The following SEC63 variants were observed in gnomAD, a reference collection of about 807,000 sequenced individuals.
SEC63 encodes the protein translocation protein SEC63 homolog.
In SEC63, 56 loss-of-function variants were observed where a neutral mutation model predicts 116.2. That is an observed-to-expected ratio of 0.48 (90% CI 0.39 to 0.60). The LOEUF (loss-of-function observed/expected upper bound fraction) is 0.60. SEC63 is among the 20% of genes least tolerant of loss of function. SEC63 has a pLI of 0.00. For missense variants in SEC63, 668 were observed against 900.0 expected (o/e 0.74, Z 3.30); for synonymous variants, 273 against 294.6 (o/e 0.93, Z 0.75).
chr6:107,912,628 A>G lies in SEC63; in HGVS notation c.573+88T>C, dbSNP rs1278855445. On this transcript the variant is annotated intron_variant, in intron 6 of 20. Transcript: ENST00000369002. ...ATGGCACACCAGTATTTTCTTTGTA[A>G]TAGTTCTTCTTGTATTACCAAGACA... The G allele has an allele frequency of 3.8e-6, 3 of 782,790 alleles. No individual in the cohort carries two copies. The African/African-American group carries it at 5.2e-5, about 14-fold the overall frequency. The allele number at this position is 782,790 out of a possible 1,614,324, so 48.5% of individuals were successfully genotyped here.
At chr6:107,952,731 C>G (rs1293815917) in intron 1 of SEC63, among the ~76,000 whole-genome samples, 4 of 152,110 alleles carry the variant, frequency 2.6e-5, no homozygotes, top group Admixed American at 2.0e-4. Context: ...GCACTGGAGC[C>G]TGGGCAACAG....
chr6:107,925,835 A>G (rs547963317), intron 2 of SEC63, among the ~76,000 whole-genome samples: 4 of 152,228 alleles, frequency 2.6e-5, no homozygotes, highest in Non-Finnish European at 5.9e-5. Flanking sequence ...ATGTATCATT[A>G]GTTCATTTGT....
At chr6:107,893,407 G>A (rs761869298) in intron 16 of SEC63, 75 bp downstream of exon 16, 4 of 1,423,240 alleles carry the variant, frequency 2.8e-6, no homozygotes, top group Non-Finnish European at 3.9e-6. Flanking sequence ...TTTTGAAGCT[G>A]TACACGTAAG....
chr6:107,924,252 A>G (rs139787336), intron 3 of SEC63, among the ~76,000 whole-genome samples: 2 of 147,686 alleles, frequency 1.4e-5, no homozygotes, highest in Non-Finnish European at 1.5e-5. Context: ...CAACAGAGCA[A>G]AACTCCGTCT....
chr6:107,951,712 G>A (rs1164889292), intron 1 of SEC63, among the ~76,000 whole-genome samples: 3 of 152,084 alleles, frequency 2.0e-5, no homozygotes, highest in Admixed American at 6.6e-5. Flanking sequence ...GGCCGGGCGC[G>A]GTGGCTCAAG....
chr6:107,875,955 G>C (rs763188612), intron 19 of SEC63, among the ~76,000 whole-genome samples: 3 of 151,792 alleles, frequency 2.0e-5, no homozygotes, highest in Non-Finnish European at 4.4e-5. Flanking sequence ...TGATTATAAA[G>C]GGTTAAAAAA....
chr6:107,948,471 C>T lies in SEC63; in HGVS notation c.124+9415G>A, dbSNP rs575291889. Among the ~76,000 whole-genome samples, 47 of 152,304 alleles carry T rather than the reference C, an allele frequency of 3.1e-4. 2 individuals are homozygous for T. In the South Asian group the frequency reaches 9.8e-3, roughly 32 times the overall value. ...CTACCCACCTTCAGGCTAGCTAGCA[C>T]TCACTCACTGAACAGCAACAGAGCT... is the stretch of plus-strand genomic sequence containing the variant. On this transcript the variant is annotated intron_variant, in intron 1 of 20. Coordinates refer to ENST00000369002, the MANE Select transcript of SEC63 (RefSeq NM_007214.5).
At position 107,911,673 on chromosome 6, in the gene SEC63, T is replaced by C. The variant is rs1251616788; in HGVS notation, c.574-277A>G. Among the ~76,000 whole-genome samples, 7 of 152,370 alleles carry C rather than the reference T, an allele frequency of 4.6e-5. No homozygotes were observed. The East Asian group carries it at 9.6e-4, about 21-fold the overall frequency. ...GATTTGAACCCAAGTAGTTCAGCTCTAGAGCCTATGTTCATATCCACTATA... is the reference window on the plus strand; with the variant it reads ...GATTTGAACCCAAGTAGTTCAGCTCCAGAGCCTATGTTCATATCCACTATA... On this transcript the variant is annotated intron_variant, in intron 6 of 20. Transcript: ENST00000369002.
chr6:107,922,326 T>G (rs1306670955), intron 3 of SEC63, among the ~76,000 whole-genome samples: 1 of 152,146 alleles, frequency 6.6e-6, no homozygotes, highest in East Asian at 1.9e-4. Context: ...CAACATATAG[T>G]GAAACCCCAA....
chr6:107,917,420 C>T (rs1787431386), intron 4 of SEC63, among the ~76,000 whole-genome samples: 1 of 151,894 alleles, frequency 6.6e-6, no homozygotes. Flanking sequence ...TTAGGGTCTC[C>T]CTGACCGAGC....
intron 4 of SEC63, 151 bp from the exon 5 acceptor site, chr6:107,913,578 G>A: frequency 1.4e-6 from 1 of 714,628 alleles, no homozygotes; most frequent in South Asian, 1.5e-5. Context: ...CAGGAGAAAG[G>A]GAAAGGGAGG....
chr6:107,905,474 ATTTCC>A (rs1408200891), intron 10 of SEC63, among the ~76,000 whole-genome samples: 1 of 152,156 alleles, frequency 6.6e-6, no homozygotes, highest in Admixed American at 6.5e-5. Flanking sequence ...AAGAACATTT[ATTTCC>A]TAGAGGTAGT....
intron 14 of SEC63, among the ~76,000 whole-genome samples, chr6:107,894,785 T>TTA (rs1554233906): frequency 4.0e-5 from 6 of 150,734 alleles, no homozygotes; most frequent in Non-Finnish European, 4.4e-5. Context: ...TTTTTTTTTT[T>TTA]AAAGACAGTG....
intron 1 of SEC63, among the ~76,000 whole-genome samples, chr6:107,940,597 GCC>G (rs1770354265): frequency 6.7e-6 from 1 of 149,350 alleles, no homozygotes; most frequent in Non-Finnish European, 1.5e-5. Context: ...ACACAAAATT[GCC>G]CCTGATTTAA....
intron 19 of SEC63, among the ~76,000 whole-genome samples, chr6:107,874,012 A>T (rs1786194577): frequency 6.6e-6 from 1 of 152,322 alleles, no homozygotes; most frequent in South Asian, 2.1e-4. Flanking sequence ...GGAGAATAGG[A>T]CATTCACACA....
chr6:107,935,522 G>GT (rs1331541953), intron 1 of SEC63, among the ~76,000 whole-genome samples: 67 of 149,042 alleles, frequency 4.5e-4, no homozygotes, highest in African/African-American at 1.6e-3. Flanking sequence ...AACATGTGCT[G>GT]TGTCCACTCA....
chr6:107,886,339 T>C (rs544480150), intron 16 of SEC63, among the ~76,000 whole-genome samples: 22 of 152,344 alleles, frequency 1.4e-4, no homozygotes, highest in Non-Finnish European at 2.6e-4. Flanking sequence ...TGTGTCTTTA[T>C]AGTAAAATGA....
In SEC63 at chr6:107,869,622, T is replaced by C. The variant is rs1786081759; in HGVS notation, c.*2082A>G. 6.6e-6 allele frequency: 1 copy of C among 152,198 alleles called. No homozygotes were observed. Among genetic ancestry groups the C allele is most frequent in the Non-Finnish European group, 1.5e-5 (1 of 68,012 alleles). The allele number at this position is 152,198 out of a possible 1,614,324, so 9.4% of individuals were successfully genotyped here. A position where few individuals can be genotyped will look rare whatever the true frequency, so the allele number is the denominator to read the frequency against. ...TGCTGGAGAGAGAAGAACTATCAACTGAAGGCTCAGTTCTTTCACTACTGC... is the reference window on the plus strand; with the variant it reads ...TGCTGGAGAGAGAAGAACTATCAACCGAAGGCTCAGTTCTTTCACTACTGC... On this transcript the variant is annotated 3_prime_UTR_variant, in exon 21 of 21. Transcript: ENST00000369002.
intron 4 of SEC63, among the ~76,000 whole-genome samples, chr6:107,918,084 G>A (rs916823917): frequency 3.9e-5 from 6 of 152,134 alleles, no homozygotes; most frequent in African/African-American, 1.4e-4. Flanking sequence ...ACTTTAACTT[G>A]AAGCCAATGC....
Sources: allele counts gnomAD v4.1 joint callset (sites outside exome capture counted in the v4.1 genomes callset), GRCh38; gene constraint gnomAD v4.1.1; transcripts MANE v1.5; gene names NCBI Gene and HGNC (gene_info 2026-07-23, HGNC 2026-07-21).